The following SEMA5A variants were observed in gnomAD, a reference collection of about 807,000 sequenced individuals.
SEMA5A encodes the protein semaphorin 5A.
In SEMA5A, 55 loss-of-function variants were observed where a neutral mutation model predicts 135.5. That is an observed-to-expected ratio of 0.41 (90% CI 0.33 to 0.51). SEMA5A has a LOEUF of 0.51. Among genes scored for constraint, SEMA5A ranks in the 20% least tolerant of loss-of-function variants. The pLI is 0.37. For synonymous variants in SEMA5A, 580 were observed against 546.5 expected, an observed-to-expected ratio of 1.06 and a Z score of -0.85; for missense variants, 1,290 against 1,419.9, an observed-to-expected ratio of 0.91 and a Z score of 1.47.
At position 9,300,080 on chromosome 5, in the gene SEMA5A, G is replaced by A. The variant is rs116424605; in HGVS notation, c.270+18292C>T. ...AGGTCTTGCTCTGTTAGACTGGGGT[G>A]CACTGGCACTATCATGGCTCACTGC... is the stretch of plus-strand genomic sequence containing the variant. On this transcript the variant is annotated intron_variant, in intron 5 of 22. Coordinates refer to ENST00000382496, the MANE Select transcript of SEMA5A (RefSeq NM_003966.3). Among the ~76,000 whole-genome samples the A allele has an allele frequency of 5.8e-3, 881 of 152,262 alleles. 7 individuals are homozygous for A. The highest frequency in any genetic ancestry group is 0.02 in the African/African-American group (819 of 41,562).
At chr5:9,099,189 T>C (rs947811521) in intron 16 of SEMA5A, among the ~76,000 whole-genome samples, 2 of 152,198 alleles carry the variant, frequency 1.3e-5, no homozygotes, top group African/African-American at 2.4e-5. Context: ...TTAAGCTTGA[T>C]TGCGAAACTT....
At position 9,237,684 on chromosome 5, in the gene SEMA5A, A is replaced by T. The variant is rs1579684308; in HGVS notation, c.333+144T>A. 7 of 534,760 alleles carry T rather than the reference A, an allele frequency of 1.3e-5. No individual in the cohort carries two copies. The East Asian group carries it at 2.1e-4, about 16-fold the overall frequency. 33.1% of individuals were successfully genotyped at this position (534,760 alleles called of 1,614,324 possible). On this transcript the variant is annotated intron_variant, in intron 6 of 22. Transcript: ENST00000382496. ...TTAATTTAGTATTAAAAACTTGAGA[A>T]TATACCGTATACATATTTTGAATCT...
chr5:9,114,164 C>G (rs569200843), intron 15 of SEMA5A, among the ~76,000 whole-genome samples: 4 of 152,242 alleles, frequency 2.6e-5, no homozygotes, highest in African/African-American at 9.6e-5. Flanking sequence ...ATGGAAGAAC[C>G]TTGAACATTA....
At chr5:9,451,543 G>A (rs1220047986) in intron 1 of SEMA5A, among the ~76,000 whole-genome samples, 1 of 152,168 alleles carries the variant, frequency 6.6e-6, no homozygotes, top group African/African-American at 2.4e-5. Flanking sequence ...TGAAATGTTG[G>A]TGACAGCTGC....
intron 1 of SEMA5A, among the ~76,000 whole-genome samples, chr5:9,529,970 C>T (rs1021280457): frequency 2.0e-5 from 3 of 152,180 alleles, no homozygotes; most frequent in African/African-American, 7.2e-5. Context: ...AAAGGTGTCA[C>T]GTGGAAATAG....
intron 16 of SEMA5A, among the ~76,000 whole-genome samples, chr5:9,088,659 T>TATATATATATACAC: frequency 2.5e-4 from 28 of 112,870 alleles, no homozygotes; most frequent in East Asian, 2.0e-3. Context: ...TATATATATA[T>TATATATATATACAC]ACACACACAC....
chr5:9,414,829 T>C (rs531661573), intron 2 of SEMA5A, among the ~76,000 whole-genome samples: 13 of 152,300 alleles, frequency 8.5e-5, no homozygotes, highest in African/African-American at 3.1e-4. Flanking sequence ...GTCTCAGCTT[T>C]ATCTGTTAAA....
intron 4 of SEMA5A, among the ~76,000 whole-genome samples, chr5:9,321,051 G>A (rs934042971): frequency 1.3e-5 from 2 of 152,048 alleles, no homozygotes; most frequent in African/African-American, 2.4e-5. Flanking sequence ...GATCATGGGG[G>A]CGGGTTACTT....
intron 3 of SEMA5A, among the ~76,000 whole-genome samples, chr5:9,353,041 A>AG (rs1221835836): frequency 7.0e-6 from 1 of 143,624 alleles, no homozygotes; most frequent in Non-Finnish European, 1.5e-5. Flanking sequence ...GAACAAAAGA[A>AG]GAAGGAAGGA....
intron 16 of SEMA5A, among the ~76,000 whole-genome samples, chr5:9,086,327 G>A (rs2150114058): frequency 6.6e-6 from 1 of 152,214 alleles, no homozygotes; most frequent in Non-Finnish European, 1.5e-5. Context: ...TCATCTTGTA[G>A]CTCCCATTAT....
At position 9,302,947 on chromosome 5, in the gene SEMA5A, T is replaced by A. The variant is rs114914691; in HGVS notation, c.270+15425A>T. 5.6e-3 allele frequency among the ~76,000 whole-genome samples: 856 copies of A among 152,286 alleles called. 7 individuals carry two copies. Among genetic ancestry groups the A allele is most frequent in the African/African-American group, 0.019 (799 of 41,546 alleles). Reference sequence around the variant, plus strand: ...AATTTATTAGCCTTTGCTAGTGCTATAAGTCATGCATATATATGACAGACA... The same window carrying A: ...AATTTATTAGCCTTTGCTAGTGCTAAAAGTCATGCATATATATGACAGACA... On this transcript the variant is annotated intron_variant, in intron 5 of 22. Transcript: ENST00000382496.
chr5:9,289,613 C>T (rs58815047), intron 5 of SEMA5A, among the ~76,000 whole-genome samples: 16,944 of 151,546 alleles, frequency 0.11, 1,073 homozygotes, highest in South Asian at 0.19. Context: ...TACAGTGAGA[C>T]GAGATTGCGC....
chr5:9,360,994 T>C (rs1377935651), intron 3 of SEMA5A, among the ~76,000 whole-genome samples: 1 of 152,142 alleles, frequency 6.6e-6, no homozygotes, highest in East Asian at 1.9e-4. Context: ...GACAGAAATC[T>C]TGCCCTTTAA....
At chr5:9,266,910 T>C (rs1191432630) in intron 5 of SEMA5A, among the ~76,000 whole-genome samples, 2 of 152,312 alleles carry the variant, frequency 1.3e-5, no homozygotes, top group African/African-American at 4.8e-5. Context: ...TAATACAAAA[T>C]ACCTAACTAG....
At chr5:9,209,905 A>C (rs1042114765) in intron 8 of SEMA5A, among the ~76,000 whole-genome samples, 4 of 152,264 alleles carry the variant, frequency 2.6e-5, no homozygotes, top group African/African-American at 7.2e-5. Flanking sequence ...GAAGGAAAGG[A>C]GGTAACATTA....
chr5:9,163,909 A>C (rs1743435872), intron 11 of SEMA5A, among the ~76,000 whole-genome samples: 2 of 150,878 alleles, frequency 1.3e-5, no homozygotes, highest in African/African-American at 2.4e-5. Context: ...CTGAGAAATA[A>C]ATTTCTGTTG....
At chr5:9,322,177 C>A (rs1362784277) in intron 4 of SEMA5A, among the ~76,000 whole-genome samples, 2 of 152,270 alleles carry the variant, frequency 1.3e-5, no homozygotes, top group South Asian at 4.1e-4. Flanking sequence ...GCAAATATAA[C>A]TCTTCTGATC....
intron 3 of SEMA5A, among the ~76,000 whole-genome samples, chr5:9,349,436 G>A (rs962457297): frequency 6.6e-6 from 1 of 152,100 alleles, no homozygotes; most frequent in African/African-American, 2.4e-5. Flanking sequence ...TTATAATTTA[G>A]CTAAGAAGAT....
intron 13 of SEMA5A, among the ~76,000 whole-genome samples, chr5:9,131,338 G>A (rs1391770195): frequency 2.0e-5 from 3 of 152,126 alleles, no homozygotes; most frequent in Admixed American, 6.5e-5. Context: ...GCTGGGCGCA[G>A]TGGCTCACGC....
Sources: allele counts gnomAD v4.1 joint callset (sites outside exome capture counted in the v4.1 genomes callset), GRCh38; gene constraint gnomAD v4.1.1; transcripts MANE v1.5; gene names NCBI Gene and HGNC (gene_info 2026-07-23, HGNC 2026-07-21).